The following DOCK1 variants were observed in gnomAD, a reference collection of about 807,000 sequenced individuals.
The protein encoded by DOCK1 is dedicator of cytokinesis 1.
A neutral mutation model predicts 262.7 loss-of-function variants in DOCK1; 138 were observed. The ratio of observed to expected loss-of-function variants is 0.53; its 90% CI spans 0.46 to 0.61. The LOEUF is 0.61. Among genes scored for constraint, DOCK1 ranks in the 20% least tolerant of loss-of-function variants. The pLI, the probability that DOCK1 is intolerant of heterozygous loss-of-function variation, is 0.00. For synonymous variants in DOCK1, 866 were observed against 867.4 expected, an observed-to-expected ratio of 1.00 and a Z score of 0.03; for missense variants, 1,908 against 2,370.7, an observed-to-expected ratio of 0.80 and a Z score of 4.05.
intron 30 of DOCK1, among the ~76,000 whole-genome samples, chr10:127,339,733 G>GTGTGTGTGCATGTGCA (rs71032552): frequency 9.2e-6 from 1 of 109,230 alleles, no homozygotes; most frequent in Non-Finnish European, 1.9e-5. Flanking sequence ...GTGTGTGTGT[G>GTGTGTGTGCATGTGCA]TGCATGCTGT....
chr10:126,990,681 G>T, intron 6 of DOCK1, 78 bp downstream of exon 6: 1 of 1,474,020 alleles, frequency 6.8e-7, no homozygotes. Flanking sequence ...AGGAGACCAA[G>T]ATCATATTTT....
chr10:127,066,292 CTG>C (rs1286225493), intron 23 of DOCK1, among the ~76,000 whole-genome samples: 1 of 152,158 alleles, frequency 6.6e-6, no homozygotes, highest in Admixed American at 6.5e-5. Context: ...GCTACTGTGA[CTG>C]TGGTTTCATG....
chr10:127,414,261 A>G (rs2068030700), intron 43 of DOCK1, among the ~76,000 whole-genome samples: 1 of 152,126 alleles, frequency 6.6e-6, no homozygotes, highest in South Asian at 2.1e-4. Flanking sequence ...GCTTAAGTCT[A>G]GATTCCTGTT....
chr10:126,913,983 C>T (rs998923491), intron 1 of DOCK1, among the ~76,000 whole-genome samples: 1 of 152,168 alleles, frequency 6.6e-6, no homozygotes, highest in African/African-American at 2.4e-5. Flanking sequence ...ATAACCTAGC[C>T]CAAACCGGGC....
At chr10:127,184,313 TC>T (rs112656641) in intron 27 of DOCK1, among the ~76,000 whole-genome samples, 9 of 148,456 alleles carry the variant, frequency 6.1e-5, no homozygotes, top group East Asian at 2.0e-4. Flanking sequence ...CTCAATTCAT[TC>T]CCCCCCCAGT....
At chr10:127,200,747 A>G (rs1171995450) in intron 27 of DOCK1, among the ~76,000 whole-genome samples, 2 of 152,166 alleles carry the variant, frequency 1.3e-5, no homozygotes, top group South Asian at 2.1e-4. Flanking sequence ...TGTTCTCAGG[A>G]TGTCTGGATA....
At chr10:126,985,576 T>A (rs1008300114) in intron 4 of DOCK1, among the ~76,000 whole-genome samples, 1 of 152,106 alleles carries the variant, frequency 6.6e-6, no homozygotes, top group African/African-American at 2.4e-5. Flanking sequence ...GTCGTTGAGC[T>A]CCAGGCTTCT....
intron 27 of DOCK1, among the ~76,000 whole-genome samples, chr10:127,217,787 C>G (rs1158513151): frequency 2.0e-5 from 3 of 152,190 alleles, no homozygotes; most frequent in East Asian, 1.9e-4. Flanking sequence ...AGGGTATTAA[C>G]TAGGTTTTCT....
At chr10:127,109,867 G>T (rs971383778) in intron 24 of DOCK1, among the ~76,000 whole-genome samples, 1 of 152,014 alleles carries the variant, frequency 6.6e-6, no homozygotes, top group African/African-American at 2.4e-5. Context: ...TTTTTTCTCG[G>T]GGAGGTGGTA....
intron 21 of DOCK1, among the ~76,000 whole-genome samples, chr10:127,048,290 T>G (rs530094555): frequency 6.6e-6 from 1 of 152,352 alleles, no homozygotes; most frequent in East Asian, 1.9e-4. Context: ...TTTATTTTGA[T>G]TTGCCATTTG....
At chr10:127,339,105 G>T in intron 30 of DOCK1, 21 bp downstream of exon 30, 1 of 1,547,088 alleles carries the variant, frequency 6.5e-7, no homozygotes, top group South Asian at 1.2e-5. Context: ...AGGTAGACAC[G>T]ACCTTTGTGG....
chr10:126,934,141 T>G (rs2034384281), intron 1 of DOCK1, among the ~76,000 whole-genome samples: 1 of 152,172 alleles, frequency 6.6e-6, no homozygotes, highest in African/African-American at 2.4e-5. Flanking sequence ...AACTCAGATT[T>G]TTTTTTTTGA....
intron 27 of DOCK1, among the ~76,000 whole-genome samples, chr10:127,169,954 G>A (rs529285654): frequency 1.4e-4 from 21 of 152,048 alleles, no homozygotes; most frequent in Admixed American, 1.2e-3. Context: ...GAACACCACC[G>A]TAAGCGGCAC....
chr10:127,262,477 A>G (rs1182577150), intron 29 of DOCK1, among the ~76,000 whole-genome samples: 1 of 152,166 alleles, frequency 6.6e-6, no homozygotes, highest in Admixed American at 6.5e-5. Context: ...TTGGTCACTG[A>G]TAACTGTAAC....
At chr10:127,368,079 CA>C in intron 33 of DOCK1, among the ~76,000 whole-genome samples, 1 of 152,318 alleles carries the variant, frequency 6.6e-6, no homozygotes, top group East Asian at 1.9e-4. Context: ...ATCTCATAGG[CA>C]TCTGTCTGGC....
chr10:127,260,245 CTTTTG>C (rs1316274565), intron 29 of DOCK1, among the ~76,000 whole-genome samples: 1 of 152,174 alleles, frequency 6.6e-6, no homozygotes, highest in Non-Finnish European at 1.5e-5. Context: ...GGAAGAGAGT[CTTTTG>C]TTTTGAGGAC....
At chr10:127,017,266 T>C (rs11018116) in intron 12 of DOCK1, among the ~76,000 whole-genome samples, 10,584 of 111,144 alleles carry the variant, frequency 0.095, 395 homozygotes, top group Middle Eastern at 0.16. Context: ...CACTCAGATA[T>C]ACATATAGAC....
At chr10:127,204,973 C>A (rs2057647385) in intron 27 of DOCK1, among the ~76,000 whole-genome samples, 1 of 152,148 alleles carries the variant, frequency 6.6e-6, no homozygotes, top group Non-Finnish European at 1.5e-5. Context: ...ATAAAGTTAC[C>A]CTTTCATTAC....
At chr10:127,184,462 G>C (rs983864473) in intron 27 of DOCK1, among the ~76,000 whole-genome samples, 34 of 151,674 alleles carry the variant, frequency 2.2e-4, no homozygotes, top group African/African-American at 8.0e-4. Context: ...CCTGCCCTCA[G>C]CTCTCCATTC....
Sources: allele counts gnomAD v4.1 joint callset (sites outside exome capture counted in the v4.1 genomes callset), GRCh38; gene constraint gnomAD v4.1.1; transcripts MANE v1.5; gene names NCBI Gene and HGNC (gene_info 2026-07-23, HGNC 2026-07-21).